Variants in LPP observed in about 807,000 individuals in gnomAD.
LPP encodes the protein lipoma-preferred partner.
Under a neutral mutation model 60.4 loss-of-function variants are expected in LPP, and 38 were observed. The ratio of observed to expected loss-of-function variants is 0.63; its 90% CI spans 0.49 to 0.83. LPP has a LOEUF of 0.83. Ranked by LOEUF, LPP falls within the 40% of genes least tolerant of loss-of-function variation. LPP has a pLI of 0.00. For missense variants in LPP, 902 were observed against 783.6 expected (o/e 1.15, Z -1.80); for synonymous variants, 328 against 290.8 (o/e 1.13, Z -1.30).
intron 1 of LPP, among the ~76,000 whole-genome samples, chr3:188,187,568 C>T (rs559279676): frequency 1.3e-5 from 2 of 151,908 alleles, no homozygotes; most frequent in South Asian, 2.1e-4. Flanking sequence ...TGTATTCTGT[C>T]GTTCTCTTGT....
At chr3:188,566,859 T>A (rs1411570845) in intron 6 of LPP, among the ~76,000 whole-genome samples, 6 of 151,734 alleles carry the variant, frequency 4.0e-5, no homozygotes, top group Non-Finnish European at 7.4e-5. Context: ...AAATACACTA[T>A]CATTTCCAGA....
At chr3:188,483,965 A>G (rs1402862806) in intron 4 of LPP, among the ~76,000 whole-genome samples, 1 of 152,120 alleles carries the variant, frequency 6.6e-6, no homozygotes, top group African/African-American at 2.4e-5. Flanking sequence ...TCGCATATCT[A>G]ATCTTTATAA....
At chr3:188,699,402 C>T (rs1421437301) in intron 7 of LPP, among the ~76,000 whole-genome samples, 1 of 151,948 alleles carries the variant, frequency 6.6e-6, no homozygotes, top group Non-Finnish European at 1.5e-5. Context: ...GTCTGTAATT[C>T]AGAATCATCC....
At chr3:188,263,393 C>A (rs1734366866) in intron 2 of LPP, among the ~76,000 whole-genome samples, 1 of 152,212 alleles carries the variant, frequency 6.6e-6, no homozygotes. Context: ...CTATTATTTT[C>A]TCTCTCAAAA....
In LPP at chr3:188,370,191, G is replaced by A. The variant is rs546121926; in HGVS notation, c.-10+28472G>A. 3.3e-5 allele frequency among the ~76,000 whole-genome samples: 5 copies of A among 152,262 alleles called. No homozygotes were observed. The South Asian group carries it at 8.3e-4, about 25-fold the overall frequency. On this transcript the variant is annotated intron_variant, in intron 3 of 11. Transcript: ENST00000617246. Reference sequence around the variant, plus strand: ...TTCACCTGCCTCGGCCTCCCAAAGTGTTGGGATTACAGGCGTGAGTCACCA... The same window carrying A: ...TTCACCTGCCTCGGCCTCCCAAAGTATTGGGATTACAGGCGTGAGTCACCA...
At chr3:188,657,177 AT>A (rs1435877885) in intron 7 of LPP, among the ~76,000 whole-genome samples, 1 of 147,298 alleles carries the variant, frequency 6.8e-6, no homozygotes, top group East Asian at 2.0e-4. Flanking sequence ...GAATTCAATT[AT>A]TTTTTTCCTC....
intron 4 of LPP, among the ~76,000 whole-genome samples, chr3:188,413,156 G>A (rs753085371): frequency 2.0e-5 from 3 of 152,088 alleles, no homozygotes; most frequent in Non-Finnish European, 4.4e-5. Flanking sequence ...GAGGGAAATG[G>A]ATGTCCACTT....
chr3:188,565,997 G>C (rs1340837705), intron 6 of LPP, among the ~76,000 whole-genome samples: 1 of 151,894 alleles, frequency 6.6e-6, no homozygotes, highest in Non-Finnish European at 1.5e-5. Context: ...TTTTGGAATA[G>C]CTTTTAGTTT....
intron 9 of LPP, among the ~76,000 whole-genome samples, chr3:188,773,688 A>G (rs1295580969): frequency 1.3e-5 from 2 of 152,244 alleles, no homozygotes; most frequent in African/African-American, 4.8e-5. Context: ...TCTAAAATAT[A>G]TTCCTTTAAA....
At chr3:188,779,247 A>G (rs928960882) in intron 9 of LPP, among the ~76,000 whole-genome samples, 4 of 152,248 alleles carry the variant, frequency 2.6e-5, no homozygotes, top group Middle Eastern at 3.4e-3. Flanking sequence ...TGCTTGAGAG[A>G]TAGGGGTATT....
chr3:188,346,201 TTTTA>T (rs920765174), intron 3 of LPP, among the ~76,000 whole-genome samples: 1 of 152,004 alleles, frequency 6.6e-6, no homozygotes, highest in Non-Finnish European at 1.5e-5. Context: ...ACTTTTTCTC[TTTTA>T]TTTGACAGTC....
At chr3:188,403,577 T>A (rs1326698161) in intron 3 of LPP, among the ~76,000 whole-genome samples, 2 of 152,210 alleles carry the variant, frequency 1.3e-5, no homozygotes, top group African/African-American at 4.8e-5. Context: ...AACCAGTCAC[T>A]TTTATCCCAA....
intron 6 of LPP, among the ~76,000 whole-genome samples, chr3:188,576,891 T>C (rs945058487): frequency 2.6e-5 from 4 of 152,196 alleles, no homozygotes; most frequent in African/African-American, 7.2e-5. Context: ...TTGTTAACTT[T>C]TCCACTTGTA....
chr3:188,837,391 A>C (rs909512314), intron 9 of LPP, among the ~76,000 whole-genome samples: 8 of 143,754 alleles, frequency 5.6e-5, no homozygotes, highest in East Asian at 2.0e-4. Flanking sequence ...ACATAATAAT[A>C]ATAATAATAA....
chr3:188,756,984 C>T (rs1730484078), intron 8 of LPP, among the ~76,000 whole-genome samples: 1 of 152,208 alleles, frequency 6.6e-6, no homozygotes, highest in Non-Finnish European at 1.5e-5. Flanking sequence ...GTATCCAAGC[C>T]ATAGTCACTC....
chr3:188,866,148 G>C (rs768376187), intron 9 of LPP, 52 bp from the exon 10 acceptor site: 2 of 1,386,276 alleles, frequency 1.4e-6, no homozygotes, highest in Non-Finnish European at 1.9e-6. Flanking sequence ...CTGTCATGCA[G>C]TATGGACCCC....
intron 2 of LPP, among the ~76,000 whole-genome samples, chr3:188,266,069 G>C (rs1451225797): frequency 2.0e-5 from 3 of 152,066 alleles, no homozygotes; most frequent in South Asian, 4.1e-4. Context: ...GGCAATGCAG[G>C]CTTCTAGAAG....
chr3:188,818,752 A>C (rs976362668), intron 9 of LPP, among the ~76,000 whole-genome samples: 1 of 152,164 alleles, frequency 6.6e-6, no homozygotes, highest in African/African-American at 2.4e-5. Flanking sequence ...GTTTCTTCAA[A>C]TAAAAAAATG....
intron 4 of LPP, among the ~76,000 whole-genome samples, chr3:188,480,692 T>C (rs1160992029): frequency 6.6e-6 from 1 of 152,048 alleles, no homozygotes; most frequent in Non-Finnish European, 1.5e-5. Context: ...GAGAGGTGAG[T>C]TGCAATTTCC....
Sources: allele counts gnomAD v4.1 joint callset (sites outside exome capture counted in the v4.1 genomes callset), GRCh38; gene constraint gnomAD v4.1.1; transcripts MANE v1.5; gene names NCBI Gene and HGNC (gene_info 2026-07-23, HGNC 2026-07-21).